Variants in TENM1 observed in about 807,000 individuals in gnomAD.
TENM1 encodes the protein teneurin-1.
In TENM1, 35 loss-of-function variants were observed where a neutral mutation model predicts 174.8. The ratio of observed to expected loss-of-function variants is 0.20; its 90% CI spans 0.15 to 0.27. The LOEUF (loss-of-function observed/expected upper bound fraction) is 0.27, where lower values mean the gene tolerates loss of function less well. Ranked by LOEUF, TENM1 falls within the 10% of genes least tolerant of loss-of-function variation. The pLI, the probability that TENM1 is intolerant of heterozygous loss-of-function variation, is 1.00. For missense variants in TENM1, 1,633 were observed against 2,130.1 expected, an observed-to-expected ratio of 0.77 and a Z score of 4.59; for synonymous variants, 781 against 798.7, an observed-to-expected ratio of 0.98 and a Z score of 0.37.
At chrX:124,510,173 A>G (rs1353834607) in intron 18 of TENM1, among the ~76,000 whole-genome samples, 1 of 108,102 alleles carries the variant, frequency 9.3e-6, no homozygotes, top group Non-Finnish European at 1.9e-5. Flanking sequence ...TATTTACTCC[A>G]GTTTGATAGA....
the TENM1 span, among the ~76,000 whole-genome samples, chrX:125,026,641 T>A: frequency 1.8e-5 from 2 of 112,080 alleles, no homozygotes; most frequent in Non-Finnish European, 3.8e-5. Context: ...AAGAAATTAC[T>A]GAACCATATC....
In TENM1 at chrX:124,529,727, A is replaced by G. The variant is rs1037592850; in HGVS notation, c.2771+137T>C. ...ATTAATTAGGAAATAGAGGAAATAAATATCACCAATGACTTTTTGAGATAT... is the reference window on the plus strand; with the variant it reads ...ATTAATTAGGAAATAGAGGAAATAAGTATCACCAATGACTTTTTGAGATAT... On this transcript the variant is annotated intron_variant, in intron 16 of 31. Coordinates refer to ENST00000422452, the Ensembl canonical transcript of TENM1. 14 of 818,792 alleles carry G rather than the reference A, an allele frequency of 1.7e-5. No individual in the cohort carries two copies. In the Admixed American group the frequency reaches 4.5e-4, roughly 26 times the overall value. 67.5% of individuals were successfully genotyped at this position (818,792 alleles called of 1,213,427 possible). A position where few individuals can be genotyped will look rare whatever the true frequency, so the allele number is the denominator to read the frequency against.
the TENM1 span, among the ~76,000 whole-genome samples, chrX:125,080,704 T>G: frequency 9.0e-6 from 1 of 110,987 alleles, no homozygotes; most frequent in African/African-American, 3.3e-5. Context: ...TGGTCTTTTG[T>G]CTACCTGTGA....
chrX:125,025,683 A>G, the TENM1 span, among the ~76,000 whole-genome samples: 1 of 111,326 alleles, frequency 9.0e-6, no homozygotes, highest in Non-Finnish European at 1.9e-5. Context: ...GAAATTAGTG[A>G]CCGGGGAAGA....
At chrX:125,053,381 A>C in the TENM1 span, among the ~76,000 whole-genome samples, 2 of 112,408 alleles carry the variant, frequency 1.8e-5, no homozygotes. Flanking sequence ...ATTTGAAAAA[A>C]AATTGGGAAC....
chrX:124,500,067 C>T (rs905922285), intron 19 of TENM1, among the ~76,000 whole-genome samples: 1 of 111,520 alleles, frequency 9.0e-6, no homozygotes, highest in African/African-American at 3.3e-5. Flanking sequence ...TCTTCTAAGC[C>T]TGCAATTCTA....
At chrX:125,127,118 C>T in the TENM1 span, among the ~76,000 whole-genome samples, 1 of 111,741 alleles carries the variant, frequency 8.9e-6, no homozygotes, top group East Asian at 2.8e-4. Context: ...GGGCACTTCC[C>T]TACTACCCCT....
At chrX:124,494,437 G>A (rs1273233077) in intron 20 of TENM1, among the ~76,000 whole-genome samples, 1 of 111,544 alleles carries the variant, frequency 9.0e-6, no homozygotes, top group African/African-American at 3.3e-5. Flanking sequence ...GTTTACCCAG[G>A]GGAAAGGAAA....
At chrX:124,962,931 T>C (rs9887554) in intron 1 of TENM1, among the ~76,000 whole-genome samples, 3,179 of 112,661 alleles carry the variant, frequency 0.028, 109 homozygotes, top group African/African-American at 0.098. Flanking sequence ...TATCTATCAA[T>C]TGGAACAGGA....
At chrX:125,198,752 C>T in the TENM1 span, among the ~76,000 whole-genome samples, 1 of 110,898 alleles carries the variant, frequency 9.0e-6, no homozygotes, top group East Asian at 2.8e-4. Context: ...TCTGTCCCAT[C>T]TAGTTTCCAT....
At chrX:124,982,270 G>GAAAAAAAAAAAAAAAAAAAAGAA in the TENM1 span, among the ~76,000 whole-genome samples, 1 of 10,551 alleles carries the variant, frequency 9.5e-5, no homozygotes, top group Non-Finnish European at 1.5e-4. Flanking sequence ...AAGAAAATGT[G>GAAAAAAAAAAAAAAAAAAAAGAA]AAAAAAAAAA....
intron 21 of TENM1, among the ~76,000 whole-genome samples, chrX:124,482,757 C>T (rs2046872700): frequency 8.9e-6 from 1 of 111,911 alleles, no homozygotes; most frequent in South Asian, 3.7e-4. Context: ...TTATTTTTAT[C>T]TGTATAGATG....
At chrX:125,066,963 T>C in the TENM1 span, among the ~76,000 whole-genome samples, 1 of 111,651 alleles carries the variant, frequency 9.0e-6, no homozygotes, top group Non-Finnish European at 1.9e-5. Flanking sequence ...ACTCTTGGCA[T>C]AGGAAGTGTA....
At chrX:124,855,511 C>T (rs1288829030) in intron 3 of TENM1, among the ~76,000 whole-genome samples, 1 of 111,177 alleles carries the variant, frequency 9.0e-6, no homozygotes, top group Non-Finnish European at 1.9e-5. Flanking sequence ...GAAACATAGA[C>T]TTAAAAAAGA....
chrX:124,892,365 A>C (rs1196767369), intron 3 of TENM1, among the ~76,000 whole-genome samples: 1 of 111,802 alleles, frequency 8.9e-6, no homozygotes, highest in Non-Finnish European at 1.9e-5. Flanking sequence ...GTTGAAATTA[A>C]GGGTTATTTC....
intron 11 of TENM1, among the ~76,000 whole-genome samples, chrX:124,632,774 T>C (rs2050791553): frequency 8.9e-6 from 1 of 112,026 alleles, no homozygotes; most frequent in Non-Finnish European, 1.9e-5. Flanking sequence ...AGGATATTTT[T>C]ATTACAGGAA....
chrX:125,199,540 A>G, the TENM1 span, among the ~76,000 whole-genome samples: 1 of 112,071 alleles, frequency 8.9e-6, no homozygotes, highest in African/African-American at 3.2e-5. Context: ...TCCAAGAGGT[A>G]GTGGTTAGTT....
At chrX:124,624,919 T>C (rs750131293) in intron 11 of TENM1, among the ~76,000 whole-genome samples, 1 of 112,197 alleles carries the variant, frequency 8.9e-6, no homozygotes, top group South Asian at 3.7e-4. Flanking sequence ...ATCTGCTGAA[T>C]TTCTCTAAGT....
the TENM1 span, among the ~76,000 whole-genome samples, chrX:125,007,405 T>C: frequency 9.1e-6 from 1 of 109,913 alleles, no homozygotes; most frequent in Non-Finnish European, 1.9e-5. Flanking sequence ...AACCTACAAT[T>C]GATTGGAGTA....
Sources: allele counts gnomAD v4.1 joint callset (sites outside exome capture counted in the v4.1 genomes callset), GRCh38; gene constraint gnomAD v4.1.1; transcripts MANE v1.5; gene names NCBI Gene and HGNC (gene_info 2026-07-23, HGNC 2026-07-21).